Variants in ENOX1 observed in about 807,000 individuals in gnomAD.
The protein encoded by ENOX1 is ecto-NOX disulfide-thiol exchanger 1.
A neutral mutation model predicts 82.5 loss-of-function variants in ENOX1; 42 were observed. That is an observed-to-expected ratio of 0.51 (90% CI 0.40 to 0.66). The LOEUF is 0.66. ENOX1 is among the 30% of genes least tolerant of loss of function. The pLI, the probability that ENOX1 is intolerant of heterozygous loss-of-function variation, is 0.00. For missense variants in ENOX1, 608 were observed against 811.6 expected (o/e 0.75, Z 3.05); for synonymous variants, 271 against 282.2 (o/e 0.96, Z 0.40).
intron 1 of ENOX1, among the ~76,000 whole-genome samples, chr13:43,714,980 T>G (rs981453012): frequency 6.6e-6 from 1 of 152,230 alleles, no homozygotes; most frequent in Non-Finnish European, 1.5e-5. Context: ...TTTTGCTCGT[T>G]AGTTGATGCA....
At chr13:43,746,578 T>C (rs2153829581) in intron 1 of ENOX1, among the ~76,000 whole-genome samples, 1 of 152,066 alleles carries the variant, frequency 6.6e-6, no homozygotes, top group African/African-American at 2.4e-5. Context: ...GAAAATCACC[T>C]GAACATAAAC....
rs574021168 is a variant in ENOX1, at chr13:43,542,136, C to T, written c.-218-57984G>A. ...CTGGAATTTAAAGCATAAGTGTCTT[C>T]TTCTTTTTTTTCTTTTTTTCCGAGA... On this transcript the variant is annotated intron_variant, in intron 2 of 16. Transcript: ENST00000690772. Among the ~76,000 whole-genome samples, 151 of 152,232 alleles carry T rather than the reference C, an allele frequency of 9.9e-4. 1 individual carries two copies. The highest frequency in any genetic ancestry group is 3.6e-3 in the African/African-American group (148 of 41,556).
intron 3 of ENOX1, among the ~76,000 whole-genome samples, chr13:43,445,128 T>TA (rs1306381749): frequency 2.0e-5 from 3 of 150,750 alleles, no homozygotes; most frequent in Non-Finnish European, 3.0e-5. Context: ...TTTCTGGGTT[T>TA]TTTTTTTTTT....
intron 12 of ENOX1, among the ~76,000 whole-genome samples, chr13:43,279,206 T>C (rs2045235325): frequency 6.6e-6 from 1 of 152,168 alleles, no homozygotes; most frequent in Non-Finnish European, 1.5e-5. Flanking sequence ...ACTGGAGTTA[T>C]TAATCATGAT....
chr13:43,369,967 C>G (rs1034282251), intron 5 of ENOX1, among the ~76,000 whole-genome samples: 3 of 152,240 alleles, frequency 2.0e-5, no homozygotes, highest in African/African-American at 7.2e-5. Context: ...TTGTTTTGCT[C>G]TCACCACAGC....
At position 43,714,851 on chromosome 13, in the gene ENOX1, C is replaced by T. The variant is rs568351088; in HGVS notation, c.-284-47307G>A. Among the ~76,000 whole-genome samples, 3 of 152,262 alleles carry T rather than the reference C, an allele frequency of 2.0e-5. No individual in the cohort carries two copies. The South Asian group carries it at 6.2e-4, about 32-fold the overall frequency. ...TTTCCTGAATAGCACACTGATGGGTCTTGACTCTATCCAATTTGCCAGTCT... is the reference window on the plus strand; with the variant it reads ...TTTCCTGAATAGCACACTGATGGGTTTTGACTCTATCCAATTTGCCAGTCT... On this transcript the variant is annotated intron_variant, in intron 1 of 16. Transcript: ENST00000690772.
intron 12 of ENOX1, among the ~76,000 whole-genome samples, chr13:43,295,229 A>T (rs190159311): frequency 6.6e-6 from 1 of 152,340 alleles, no homozygotes; most frequent in African/African-American, 2.4e-5. Context: ...CAAAAGCCTC[A>T]CTATCCCTGT....
At chr13:43,300,100 G>C (rs544159359) in intron 11 of ENOX1, among the ~76,000 whole-genome samples, 1 of 152,250 alleles carries the variant, frequency 6.6e-6, no homozygotes, top group South Asian at 2.1e-4. Flanking sequence ...CTACTAATCA[G>C]ACAGAACATG....
chr13:43,720,038 T>A (rs2088461126), intron 1 of ENOX1, among the ~76,000 whole-genome samples: 2 of 152,218 alleles, frequency 1.3e-5, no homozygotes, highest in South Asian at 4.1e-4. Context: ...GTAATCATTC[T>A]AAAAATAAGA....
At chr13:43,613,072 AAC>A (rs901835209) in intron 2 of ENOX1, among the ~76,000 whole-genome samples, 13 of 152,172 alleles carry the variant, frequency 8.5e-5, no homozygotes, top group African/African-American at 3.1e-4. Context: ...GTACATGATA[AAC>A]ACATACAATT....
chr13:43,239,960 C>T (rs891552694), intron 14 of ENOX1, among the ~76,000 whole-genome samples: 1 of 152,114 alleles, frequency 6.6e-6, no homozygotes, highest in Non-Finnish European at 1.5e-5. Flanking sequence ...GGACAATTAT[C>T]GATAATCTCC....
At chr13:43,678,171 C>A (rs1359607594) in intron 1 of ENOX1, among the ~76,000 whole-genome samples, 1 of 152,150 alleles carries the variant, frequency 6.6e-6, no homozygotes, top group Non-Finnish European at 1.5e-5. Context: ...GGGCCAACAT[C>A]AGCAATTTAA....
intron 3 of ENOX1, among the ~76,000 whole-genome samples, chr13:43,426,519 C>A (rs2055312554): frequency 6.6e-6 from 1 of 151,974 alleles, no homozygotes; most frequent in Non-Finnish European, 1.5e-5. Flanking sequence ...TGAAAAAGAT[C>A]TTCTGCTTTT....
At chr13:43,582,734 C>G (rs765338826) in intron 2 of ENOX1, among the ~76,000 whole-genome samples, 18 of 152,100 alleles carry the variant, frequency 1.2e-4, no homozygotes, top group Admixed American at 3.3e-4. Flanking sequence ...CCACCACACC[C>G]AGCTAATTTT....
At chr13:43,387,705 T>C (rs552723077) in intron 5 of ENOX1, among the ~76,000 whole-genome samples, 66 of 152,144 alleles carry the variant, frequency 4.3e-4, no homozygotes, top group African/African-American at 1.6e-3. Flanking sequence ...CACACACACA[T>C]ATATAAACAT....
chr13:43,356,680 C>T (rs550071565), intron 7 of ENOX1, among the ~76,000 whole-genome samples: 1 of 152,160 alleles, frequency 6.6e-6, no homozygotes, highest in African/African-American at 2.4e-5. Context: ...CTACATTCCC[C>T]CAGAAAATGC....
At chr13:43,673,922 C>T (rs770808222) in intron 1 of ENOX1, among the ~76,000 whole-genome samples, 5 of 152,090 alleles carry the variant, frequency 3.3e-5, no homozygotes, top group African/African-American at 9.7e-5. Flanking sequence ...TCTCTCTTGC[C>T]GCGTGACTGA....
chr13:43,452,976 C>T (rs1454594923), intron 3 of ENOX1, among the ~76,000 whole-genome samples: 8 of 152,186 alleles, frequency 5.3e-5, no homozygotes, highest in Non-Finnish European at 1.2e-4. Flanking sequence ...AGACTTGGGG[C>T]TTGTGGTATA....
chr13:43,427,335 T>C (rs542788065), intron 3 of ENOX1, among the ~76,000 whole-genome samples: 2 of 152,334 alleles, frequency 1.3e-5, no homozygotes, highest in South Asian at 4.1e-4. Flanking sequence ...ATGAGATAGA[T>C]GTTATTCCAA....
Sources: gnomAD v4.1 joint callset for allele counts (sites outside exome capture counted in the v4.1 genomes callset) on GRCh38, gnomAD v4.1.1 for gene constraint, MANE v1.5 for transcripts, NCBI Gene and HGNC (gene_info 2026-07-23, HGNC 2026-07-21) for gene names.